Variants in TMEM163 observed in about 807,000 individuals in gnomAD.
The protein encoded by TMEM163 is transmembrane protein 163.
In TMEM163, 17 loss-of-function variants were observed where a neutral mutation model predicts 29.3. That is an observed-to-expected ratio of 0.58 (90% CI 0.40 to 0.87). The LOEUF (loss-of-function observed/expected upper bound fraction) is 0.87. Among genes scored for constraint, TMEM163 ranks in the 40% least tolerant of loss-of-function variants. TMEM163 has a pLI of 0.00. For synonymous variants in TMEM163, 157 were observed against 160.6 expected (o/e 0.98, Z 0.17); for missense variants, 303 against 381.5 (o/e 0.79, Z 1.71).
chr2:134,586,062 T>C (rs757746716), intron 2 of TMEM163, among the ~76,000 whole-genome samples: 11 of 152,188 alleles, frequency 7.2e-5, no homozygotes, highest in Non-Finnish European at 1.6e-4. Context: ...GTGTTCAAAG[T>C]TTGGGTCATC....
At chr2:134,714,322 GT>G (rs2104902003) in intron 1 of TMEM163, among the ~76,000 whole-genome samples, 1 of 152,306 alleles carries the variant, frequency 6.6e-6, no homozygotes, top group East Asian at 1.9e-4. Context: ...ACTTTCAGAG[GT>G]TGAGCAGCCT....
chr2:134,625,504 G>C (rs1351315337), intron 2 of TMEM163, among the ~76,000 whole-genome samples: 1 of 152,218 alleles, frequency 6.6e-6, no homozygotes, highest in African/African-American at 2.4e-5. Context: ...TTCTGAGTCA[G>C]AGTCCGGAAG....
intron 4 of TMEM163, among the ~76,000 whole-genome samples, chr2:134,539,463 CA>C (rs1680615140): frequency 6.6e-6 from 1 of 152,196 alleles, no homozygotes; most frequent in African/African-American, 2.4e-5. Context: ...CACAGGAAAG[CA>C]ATGCCAGCAT....
chr2:134,520,694 T>A (rs1309742936), intron 4 of TMEM163, among the ~76,000 whole-genome samples: 1 of 152,224 alleles, frequency 6.6e-6, no homozygotes, highest in Non-Finnish European at 1.5e-5. Context: ...TGTTCTTGTC[T>A]ACAAACTGAC....
chr2:134,519,348 T>C (rs1226813063), intron 4 of TMEM163, among the ~76,000 whole-genome samples: 2 of 152,240 alleles, frequency 1.3e-5, no homozygotes, highest in East Asian at 3.9e-4. Flanking sequence ...GATAAGTCTG[T>C]CCTGAGGTTT....
intron 5 of TMEM163, among the ~76,000 whole-genome samples, chr2:134,493,009 G>A (rs1446486641): frequency 6.6e-6 from 1 of 152,104 alleles, no homozygotes; most frequent in Non-Finnish European, 1.5e-5. Context: ...TTTTGGTTTT[G>A]GGGGGTTTTC....
chr2:134,466,001 G>C (rs1264775595), intron 6 of TMEM163, 113 bp downstream of exon 6: 14 of 730,032 alleles, frequency 1.9e-5, no homozygotes, highest in Non-Finnish European at 1.8e-5. Flanking sequence ...GTGAGAAATG[G>C]ATTCCAAATT....
At chr2:134,588,845 TG>T (rs368634602) in intron 2 of TMEM163, among the ~76,000 whole-genome samples, 4 of 150,942 alleles carry the variant, frequency 2.7e-5, no homozygotes, top group African/African-American at 9.8e-5. Flanking sequence ...GGCAAAACGT[TG>T]GGGGGGGAAG....
intron 4 of TMEM163, among the ~76,000 whole-genome samples, chr2:134,510,520 C>T (rs928669288): frequency 2.0e-5 from 3 of 152,110 alleles, no homozygotes; most frequent in African/African-American, 4.8e-5. Context: ...CGAAAGCAAA[C>T]TGATGACTCT....
At chr2:134,516,780 C>CATATATATGCATATATATGAATAT (rs1680078933) in intron 4 of TMEM163, among the ~76,000 whole-genome samples, 2 of 139,460 alleles carry the variant, frequency 1.4e-5, no homozygotes, top group Non-Finnish European at 3.0e-5. Flanking sequence ...CATATCTATT[C>CATATATATGCATATATATGAATAT]ATATATATAT....
chr2:134,595,150 C>T (rs1682043388), intron 2 of TMEM163, among the ~76,000 whole-genome samples: 2 of 151,738 alleles, frequency 1.3e-5, no homozygotes, highest in South Asian at 4.2e-4. Flanking sequence ...TTCTAGGGTA[C>T]ATGTGCACAA....
In TMEM163 at chr2:134,541,009, C is replaced by A. The variant is rs1680652127; in HGVS notation, c.458+9561G>T. ...AGATGGACAAGTCAATAGACCAGTACATTAATTAAATGCAGGTAATTAAAT... is the reference window on the plus strand; with the variant it reads ...AGATGGACAAGTCAATAGACCAGTAAATTAATTAAATGCAGGTAATTAAAT... On this transcript the variant is annotated intron_variant, in intron 4 of 7. Transcript: ENST00000281924. Among the ~76,000 whole-genome samples, 3 of 152,176 alleles carry A rather than the reference C, an allele frequency of 2.0e-5. No homozygotes were observed. The South Asian group carries it at 6.2e-4, about 32-fold the overall frequency.
At chr2:134,644,287 C>T (rs944964124) in intron 2 of TMEM163, among the ~76,000 whole-genome samples, 4 of 151,792 alleles carry the variant, frequency 2.6e-5, no homozygotes, top group Non-Finnish European at 4.4e-5. Context: ...GGAAAGCCAA[C>T]GGAACTAGAA....
intron 2 of TMEM163, among the ~76,000 whole-genome samples, chr2:134,659,684 A>G (rs1296373089): frequency 6.6e-6 from 1 of 152,182 alleles, no homozygotes; most frequent in African/African-American, 2.4e-5. Flanking sequence ...AGGCAGACAA[A>G]TATTTTAAAA....
intron 2 of TMEM163, among the ~76,000 whole-genome samples, chr2:134,584,680 G>A (rs903311431): frequency 4.6e-5 from 7 of 150,540 alleles, no homozygotes; most frequent in Non-Finnish European, 7.4e-5. Context: ...ATAAAGACTC[G>A]AGACTCTTGC....
chr2:134,623,228 A>G (rs1682778895), intron 2 of TMEM163, among the ~76,000 whole-genome samples: 1 of 152,240 alleles, frequency 6.6e-6, no homozygotes, highest in South Asian at 2.1e-4. Context: ...TCTCATCAAC[A>G]CTGGCTTTGT....
At chr2:134,596,712 C>T (rs937199319) in intron 2 of TMEM163, among the ~76,000 whole-genome samples, 2 of 152,098 alleles carry the variant, frequency 1.3e-5, no homozygotes, top group African/African-American at 2.4e-5. Flanking sequence ...GCAGTATGGC[C>T]ATTTTCACAA....
chr2:134,500,135 G>A (rs894698373), intron 5 of TMEM163, among the ~76,000 whole-genome samples: 31 of 152,252 alleles, frequency 2.0e-4, no homozygotes, highest in Middle Eastern at 3.4e-3. Flanking sequence ...ATCCAAGTGC[G>A]CACACCCCAG....
At chr2:134,589,786 T>C (rs1020589802) in intron 2 of TMEM163, among the ~76,000 whole-genome samples, 1 of 152,228 alleles carries the variant, frequency 6.6e-6, no homozygotes, top group Non-Finnish European at 1.5e-5. Context: ...TTTCACTTCA[T>C]GGACTCGCCC....
Sources: gnomAD v4.1 joint callset for allele counts (sites outside exome capture counted in the v4.1 genomes callset) on GRCh38, gnomAD v4.1.1 for gene constraint, MANE v1.5 for transcripts, NCBI Gene and HGNC (gene_info 2026-07-23, HGNC 2026-07-21) for gene names.